Variants in GBP7 observed in about 807,000 individuals in gnomAD.
GBP7 encodes the protein guanylate-binding protein 7.
A neutral mutation model predicts 61.3 loss-of-function variants in GBP7; 43 were observed. The observed-to-expected ratio is 0.70, with a 90% CI of 0.55 to 0.91. The LOEUF (loss-of-function observed/expected upper bound fraction) is 0.91. GBP7 is among the 40% of genes least tolerant of loss of function. The pLI is 0.00. For missense variants in GBP7, 717 were observed against 740.5 expected (o/e 0.97, Z 0.37); for synonymous variants, 267 against 271.0 (o/e 0.99, Z 0.14).
intron 8 of GBP7, among the ~76,000 whole-genome samples, chr1:89,147,283 G>T (rs1349874904): frequency 6.6e-6 from 1 of 152,032 alleles, no homozygotes; most frequent in Non-Finnish European, 1.5e-5. Flanking sequence ...CTTTCATAGT[G>T]TATTTCTGTA....
intron 9 of GBP7, among the ~76,000 whole-genome samples, chr1:89,133,824 G>A (rs879888577): frequency 6.6e-5 from 10 of 152,180 alleles, no homozygotes; most frequent in Non-Finnish European, 1.5e-4. Context: ...TGTTTGAGCT[G>A]GCAAAGAGAG....
intron 8 of GBP7, among the ~76,000 whole-genome samples, chr1:89,146,919 T>G (rs1682080888): frequency 6.6e-6 from 1 of 152,162 alleles, no homozygotes; most frequent in Admixed American, 6.5e-5. Flanking sequence ...ATCCTGAGTT[T>G]CCAGTGGCGT....
At chr1:89,155,467 T>C (rs1174601996) in intron 3 of GBP7, among the ~76,000 whole-genome samples, 15 of 152,164 alleles carry the variant, frequency 9.9e-5, no homozygotes, top group Non-Finnish European at 2.2e-4. Context: ...GAAAAAAGAT[T>C]AGACGAATGG....
chr1:89,150,420 A>C lies in GBP7; in HGVS notation c.781T>G (p.Phe261Val). The C allele has an allele frequency of 6.2e-7, 1 of 1,613,818 alleles. No individual in the cohort carries two copies. Among genetic ancestry groups the C allele is most frequent in the Non-Finnish European group, 8.5e-7 (1 of 1,179,720 alleles). Residue 261 changes from phenylalanine to valine, a missense_variant, in exon 6 of 11, where the codon TTC becomes GTC. This residue lies in a region of GBP7 where 387 missense variants were observed against 385.2 expected (regional missense o/e 1.00). Transcript: ENST00000294671. ...EVREDQLDSNFQMQSENFCSY... is the reference protein window; with the variant it reads ...EVREDQLDSNVQMQSENFCSY... ...CAGAAATTTTCTGATTGCATCTGGA[A>C]ATTACTATCCAGTTGGTCTTCTCGT... is the stretch of plus-strand genomic sequence containing the variant.
intron 10 of GBP7, 25 bp from the exon 11 acceptor site, chr1:89,132,428 T>C: frequency 6.5e-7 from 1 of 1,546,604 alleles, no homozygotes; most frequent in South Asian, 1.2e-5. Context: ...GAGCCTACTT[T>C]TGAAAATCCC....
At chr1:89,145,568 G>T (rs999809393) in intron 8 of GBP7, among the ~76,000 whole-genome samples, 4 of 152,056 alleles carry the variant, frequency 2.6e-5, no homozygotes, top group Admixed American at 6.6e-5. Flanking sequence ...AGTGACTTTA[G>T]TTCCTTTGGA....
rs1210489482 is a variant in GBP7, at chr1:89,150,386, A to G, written c.815T>C (p.Ile272Thr). Residue 272 changes from isoleucine to threonine, a missense_variant, in exon 6 of 11, where the codon ATC (isoleucine) becomes ACC (threonine). Physicochemically the swap from Ile to Thr is moderately conservative, Grantham distance 89 (BLOSUM62 -1). Transcript: ENST00000294671. ...GGTCTTGGTCTTTGCATGGGTGAAG[A>G]TATAAGAACAGAAATTTTCTGATTG... Reference protein sequence around the residue: ...QMQSENFCSYIFTHAKTKTLR... With the variant: ...QMQSENFCSYTFTHAKTKTLR... 1.2e-6 allele frequency: 2 copies of G among 1,613,950 alleles called. No homozygotes were observed. The highest frequency in any genetic ancestry group is 1.7e-5 in the Admixed American group (1 of 60,024).
intron 2 of GBP7, among the ~76,000 whole-genome samples, chr1:89,171,502 C>T (rs755643531): frequency 6.6e-6 from 1 of 151,382 alleles, no homozygotes; most frequent in Non-Finnish European, 1.5e-5. Context: ...TTTAATAATG[C>T]ATTATTATTT....
At chr1:89,172,668 C>T (rs1008576275) in intron 1 of GBP7, among the ~76,000 whole-genome samples, 3 of 152,028 alleles carry the variant, frequency 2.0e-5, no homozygotes, top group Non-Finnish European at 2.9e-5. Flanking sequence ...TGCCAGATTT[C>T]GCCACCTTAA....
chr1:89,155,810 C>T (rs1324911329), intron 3 of GBP7, among the ~76,000 whole-genome samples: 2 of 152,176 alleles, frequency 1.3e-5, no homozygotes, highest in African/African-American at 4.8e-5. Context: ...AGAACTTCCC[C>T]AACCTAGCAA....
chr1:89,175,091 A>T (rs1205064321), intron 1 of GBP7, among the ~76,000 whole-genome samples: 2 of 152,216 alleles, frequency 1.3e-5, no homozygotes, highest in African/African-American at 4.8e-5. Flanking sequence ...CAATCCTTGT[A>T]ACTTATGTGA....
intron 3 of GBP7, among the ~76,000 whole-genome samples, chr1:89,156,537 A>G (rs931962157): frequency 1.3e-5 from 2 of 152,204 alleles, no homozygotes; most frequent in Non-Finnish European, 2.9e-5. Flanking sequence ...AAACAAACAA[A>G]AAAAGCGGGG....
chr1:89,174,826 C>T (rs1463974501), intron 1 of GBP7, among the ~76,000 whole-genome samples: 2 of 152,146 alleles, frequency 1.3e-5, no homozygotes, highest in Admixed American at 6.5e-5. Context: ...TTATTACCTC[C>T]ATGTATATCA....
At chr1:89,152,219 G>T in intron 5 of GBP7, 49 bp downstream of exon 5, 3 of 1,558,602 alleles carry the variant, frequency 1.9e-6, no homozygotes, top group Non-Finnish European at 2.6e-6. Flanking sequence ...GGTCCTAGTT[G>T]ATCCCACCCG....
rs888712355 is a variant in GBP7, at chr1:89,154,803, T to A, written c.319-2026A>T. 1.5e-3 allele frequency among the ~76,000 whole-genome samples: 95 copies of A among 63,672 alleles called. 6 individuals are homozygous for A. Among genetic ancestry groups the A allele is most frequent in the African/African-American group, 3.3e-3 (42 of 12,822 alleles). The allele number at this position is 63,672 out of a possible 152,430, so 41.8% of individuals were successfully genotyped here. Reference sequence around the variant, plus strand: ...AAATACCATGAAAGTTAATAAAATTTAAAAAAAATAAAGAAAACATTCCTG... The same window carrying A: ...AAATACCATGAAAGTTAATAAAATTAAAAAAAAATAAAGAAAACATTCCTG... On this transcript the variant is annotated intron_variant, in intron 3 of 10. Transcript: ENST00000294671.
chr1:89,165,276 T>C (rs1570360776), intron 2 of GBP7, among the ~76,000 whole-genome samples: 1 of 151,812 alleles, frequency 6.6e-6, no homozygotes, highest in African/African-American at 2.4e-5. Context: ...CCGAGGCAGG[T>C]GAATCACAAA....
chr1:89,144,337 T>C (rs1207684014), intron 8 of GBP7, among the ~76,000 whole-genome samples: 2 of 152,222 alleles, frequency 1.3e-5, no homozygotes, highest in Non-Finnish European at 2.9e-5. Flanking sequence ...GTGATAAACA[T>C]ATGAGTGTGG....
At chr1:89,173,055 C>A (rs1381689214) in intron 1 of GBP7, among the ~76,000 whole-genome samples, 2 of 151,962 alleles carry the variant, frequency 1.3e-5, no homozygotes, top group East Asian at 1.9e-4. Flanking sequence ...AAGCTGGATC[C>A]ATTTTTTTTT....
At chr1:89,175,252 A>G (rs1000396239) in intron 1 of GBP7, among the ~76,000 whole-genome samples, 1 of 152,150 alleles carries the variant, frequency 6.6e-6, no homozygotes, top group African/African-American at 2.4e-5. Context: ...TTTATATTAA[A>G]TTATCTGGCT....
Sources: gnomAD v4.1 joint callset for allele counts (sites outside exome capture counted in the v4.1 genomes callset) on GRCh38, gnomAD v4.1.1 for gene constraint, gnomAD v4.1.1 regional missense constraint, MANE v1.5 for transcripts, NCBI Gene and HGNC (gene_info 2026-07-23, HGNC 2026-07-21) for gene names.